TBCK: variants seen among roughly 807,000 people sequenced by gnomAD.
TBCK encodes TBC domain-containing protein kinase-like protein.
TBCK carries 99 observed loss-of-function variants against 113.4 expected under a neutral mutation model. The observed-to-expected ratio is 0.87, with a 90% CI of 0.74 to 1.03. The LOEUF is 1.03. Among genes scored for constraint, TBCK ranks in the 50% least tolerant of loss-of-function variants. TBCK has a pLI of 0.00. For missense variants in TBCK, 1,045 were observed against 1,061.3 expected, an observed-to-expected ratio of 0.98 and a Z score of 0.21; for synonymous variants, 369 against 370.8, an observed-to-expected ratio of 1.00 and a Z score of 0.05.
At chr4:106,163,091 G>A (rs1208915820) in intron 23 of TBCK, among the ~76,000 whole-genome samples, 2 of 152,078 alleles carry the variant, frequency 1.3e-5, no homozygotes, top group Non-Finnish European at 2.9e-5. Context: ...TCTCTCTCAA[G>A]TTCAAAGTTC....
In TBCK at chr4:106,045,557, T is replaced by C. The variant is rs372203527; in HGVS notation, c.*1013A>G. 7.9e-5 allele frequency: 12 copies of C among 152,310 alleles called. No individual in the cohort carries two copies. Among genetic ancestry groups the C allele is most frequent in the African/African-American group, 2.9e-4 (12 of 41,560 alleles). The allele number at this position is 152,310 out of a possible 1,614,324, so 9.4% of individuals were successfully genotyped here. On this transcript the variant is annotated 3_prime_UTR_variant, in exon 26 of 26. Transcript: ENST00000394708. ...ATTTCCAGTTTTCCTTAAAGCTAGG[T>C]GTGGCCATGCACCCAAGTTCTGGCC...
chr4:106,119,500 G>A (rs1248010924), intron 23 of TBCK, among the ~76,000 whole-genome samples: 5 of 152,034 alleles, frequency 3.3e-5, no homozygotes, highest in African/African-American at 1.2e-4. Flanking sequence ...CTTACTATAT[G>A]CAAAAATCAG....
chr4:106,126,356 T>C (rs1745211195), intron 23 of TBCK, among the ~76,000 whole-genome samples: 2 of 152,184 alleles, frequency 1.3e-5, no homozygotes, highest in South Asian at 4.1e-4. Context: ...GGACCCAGTG[T>C]ATTATCTGAC....
intron 10 of TBCK, among the ~76,000 whole-genome samples, chr4:106,245,258 A>C (rs1760668187): frequency 6.6e-6 from 1 of 152,176 alleles, no homozygotes; most frequent in African/African-American, 2.4e-5. Context: ...TATTGGAGGA[A>C]AATGCCCTTA....
intron 25 of TBCK, among the ~76,000 whole-genome samples, chr4:106,064,919 C>G (rs1398633609): frequency 6.6e-6 from 1 of 151,810 alleles, no homozygotes; most frequent in Non-Finnish European, 1.5e-5. Flanking sequence ...TGCTATGGTA[C>G]CAACTCATTA....
chr4:106,157,650 C>T (rs1749281980), intron 23 of TBCK, among the ~76,000 whole-genome samples: 1 of 152,092 alleles, frequency 6.6e-6, no homozygotes, highest in African/African-American at 2.4e-5. Flanking sequence ...AATGCAATGT[C>T]ACAATTCCTG....
rs761609016 is a variant in TBCK, at chr4:106,247,260, G to C, written c.810C>G (p.Asp270Glu). The C allele has an allele frequency of 4.3e-6, 7 of 1,612,036 alleles. No homozygotes were observed. The South Asian group carries it at 7.7e-5, about 18-fold the overall frequency. ...AAGGTGATACCTCACTGAATACTTT[G>C]TCCTTCATTAATTGATCTGGGGTTG... The part of the protein sequence containing the change: ...KRPTPDQLMK[D>E]KVFSEVSPLY... The change falls in exon 10 of 26, where the codon GAC becomes GAG. Residue 270 changes from aspartate to glutamate, a missense_variant. Physicochemically the swap from Asp to Glu is conservative, Grantham distance 45 (BLOSUM62 2). Transcript: ENST00000394708.
chr4:106,289,310 G>C (rs1019402614), intron 3 of TBCK, among the ~76,000 whole-genome samples: 2 of 152,126 alleles, frequency 1.3e-5, no homozygotes, highest in Admixed American at 6.5e-5. Flanking sequence ...GGAATTGCTG[G>C]ATCATAAAAT....
chr4:106,210,683 A>G (rs1424365471), intron 20 of TBCK, among the ~76,000 whole-genome samples: 1 of 152,156 alleles, frequency 6.6e-6, no homozygotes, highest in Non-Finnish European at 1.5e-5. Flanking sequence ...TATATATTTA[A>G]GTAACTTTTT....
chr4:106,191,273 G>C (rs1182030743), intron 22 of TBCK, among the ~76,000 whole-genome samples: 1 of 152,134 alleles, frequency 6.6e-6, no homozygotes, highest in African/African-American at 2.4e-5. Context: ...AGAATCTGGG[G>C]GAGTCCTGAA....
At chr4:106,196,945 C>T (rs1158032465) in intron 20 of TBCK, among the ~76,000 whole-genome samples, 1 of 152,068 alleles carries the variant, frequency 6.6e-6, no homozygotes, top group Non-Finnish European at 1.5e-5. Flanking sequence ...TCATCAAGAT[C>T]TATGGAAGAA....
chr4:106,145,496 T>C (rs1425787464), intron 23 of TBCK, among the ~76,000 whole-genome samples: 4 of 152,192 alleles, frequency 2.6e-5, no homozygotes, highest in Non-Finnish European at 4.4e-5. Flanking sequence ...CTTGGAGATA[T>C]GGAGGGTTCA....
intron 25 of TBCK, among the ~76,000 whole-genome samples, chr4:106,090,768 T>C (rs1740128673): frequency 6.6e-6 from 1 of 152,186 alleles, no homozygotes; most frequent in South Asian, 2.1e-4. Flanking sequence ...GTCAAGTTCT[T>C]TGCCAGGGTG....
intron 23 of TBCK, among the ~76,000 whole-genome samples, chr4:106,163,061 C>T (rs1749974051): frequency 6.6e-6 from 1 of 152,122 alleles, no homozygotes; most frequent in African/African-American, 2.4e-5. Flanking sequence ...GAAATTTCTT[C>T]TGCCAGATAC....
chr4:106,049,697 C>A (rs1013509104), intron 25 of TBCK, among the ~76,000 whole-genome samples: 1 of 151,602 alleles, frequency 6.6e-6, no homozygotes, highest in Non-Finnish European at 1.5e-5. Flanking sequence ...AGACTCCACC[C>A]AGAAATTACA....
At chr4:106,236,831 T>C (rs766959355) in intron 12 of TBCK, 23 bp from the exon 13 acceptor site, 1 of 1,409,338 alleles carries the variant, frequency 7.1e-7, no homozygotes, top group Non-Finnish European at 9.5e-7. Context: ...AGACAAAATA[T>C]TTATGTATAA....
rs756244966 is a variant in TBCK, at chr4:106,043,007, A to G, written c.*3563T>C. On this transcript the variant is annotated 3_prime_UTR_variant, in exon 26 of 26. Coordinates refer to ENST00000394708, the MANE Select transcript of TBCK (RefSeq NM_001163435.3). Reference sequence around the variant, plus strand: ...GAGGTCTTAATTAGAACTCCCACCCATAAGATCCAAAGCTATGTCTTCTAT... The same window carrying G: ...GAGGTCTTAATTAGAACTCCCACCCGTAAGATCCAAAGCTATGTCTTCTAT... 6.6e-6 allele frequency: 1 copy of G among 152,188 alleles called. No individual in the cohort carries two copies. The highest frequency in any genetic ancestry group is 2.1e-4 in the South Asian group (1 of 4,828). The allele number at this position is 152,188 out of a possible 1,614,324, so 9.4% of individuals were successfully genotyped here. A position where few individuals can be genotyped will look rare whatever the true frequency, so the allele number is the denominator to read the frequency against.
chr4:106,112,478 G>T (rs904382169), intron 24 of TBCK, among the ~76,000 whole-genome samples: 33 of 152,138 alleles, frequency 2.2e-4, no homozygotes, highest in African/African-American at 4.3e-4. Flanking sequence ...TGGAAATCAC[G>T]TAATTCCCTC....
At chr4:106,130,942 G>C (rs1458110317) in intron 23 of TBCK, among the ~76,000 whole-genome samples, 2 of 152,106 alleles carry the variant, frequency 1.3e-5, no homozygotes, top group Non-Finnish European at 2.9e-5. Flanking sequence ...ATGCAGAGAT[G>C]TTAAAAAGAT....
Sources: gnomAD v4.1 joint callset for allele counts (sites outside exome capture counted in the v4.1 genomes callset) on GRCh38, gnomAD v4.1.1 for gene constraint, MANE v1.5 for transcripts, NCBI Gene and HGNC (gene_info 2026-07-23, HGNC 2026-07-21) for gene names.